The following NCKAP5 variants were observed in gnomAD, a reference collection of about 807,000 sequenced individuals.
NCKAP5 encodes the protein NCK associated protein 5, also known as nck-associated protein 5.
In NCKAP5, 92 loss-of-function variants were observed where a neutral mutation model predicts 167.0. The observed-to-expected ratio is 0.55, with a 90% CI of 0.47 to 0.66. The LOEUF (loss-of-function observed/expected upper bound fraction) is 0.66. NCKAP5 is among the 30% of genes least tolerant of loss of function. The pLI, the probability that NCKAP5 is intolerant of heterozygous loss-of-function variation, is 0.00. For missense variants in NCKAP5, 2,378 were observed against 2,315.0 expected, an observed-to-expected ratio of 1.03 and a Z score of -0.56; for synonymous variants, 891 against 877.4, an observed-to-expected ratio of 1.02 and a Z score of -0.27.
chr2:133,656,471 C>T, the NCKAP5 span, among the ~76,000 whole-genome samples: 1 of 152,186 alleles, frequency 6.6e-6, no homozygotes, highest in African/African-American at 2.4e-5. Flanking sequence ...ACAGGAGACA[C>T]TTTCCTAGTT....
At chr2:133,499,911 A>C (rs1193846166) in intron 3 of NCKAP5, among the ~76,000 whole-genome samples, 1 of 152,124 alleles carries the variant, frequency 6.6e-6, no homozygotes, top group Non-Finnish European at 1.5e-5. Flanking sequence ...ATGGATCCCA[A>C]CTTGTTTCTG....
At chr2:133,473,212 G>A (rs1679513835) in intron 3 of NCKAP5, among the ~76,000 whole-genome samples, 1 of 152,012 alleles carries the variant, frequency 6.6e-6, no homozygotes, top group South Asian at 2.1e-4. Flanking sequence ...TGTGCCTGTA[G>A]TCCCAGCTAC....
intron 6 of NCKAP5, among the ~76,000 whole-genome samples, chr2:133,099,339 A>C (rs2081433773): frequency 6.6e-6 from 1 of 152,146 alleles, no homozygotes; most frequent in Non-Finnish European, 1.5e-5. Context: ...TTTTTTTTCC[A>C]GGGTAGTTTC....
chr2:132,925,913 G>T (rs1295657463), intron 8 of NCKAP5, among the ~76,000 whole-genome samples: 1 of 152,150 alleles, frequency 6.6e-6, no homozygotes, highest in Non-Finnish European at 1.5e-5. Context: ...GAATTTAGGG[G>T]GTACAAGTGC....
intron 8 of NCKAP5, among the ~76,000 whole-genome samples, chr2:132,900,500 A>G (rs1310772851): frequency 6.6e-6 from 1 of 152,202 alleles, no homozygotes; most frequent in African/African-American, 2.4e-5. Flanking sequence ...GAATTATTGT[A>G]CATATTCATA....
chr2:133,407,670 T>A (rs1427682782), intron 3 of NCKAP5, among the ~76,000 whole-genome samples: 3 of 152,170 alleles, frequency 2.0e-5, no homozygotes, highest in Non-Finnish European at 4.4e-5. Context: ...TTGACTATCA[T>A]GAGCAAAGAT....
chr2:133,537,213 G>C (rs190373871), intron 2 of NCKAP5, among the ~76,000 whole-genome samples: 1 of 152,134 alleles, frequency 6.6e-6, no homozygotes, highest in African/African-American at 2.4e-5. Flanking sequence ...TTTATAGTAG[G>C]TTTGAAATTG....
At chr2:132,814,769 G>A (rs1370490184) in intron 11 of NCKAP5, among the ~76,000 whole-genome samples, 2 of 152,160 alleles carry the variant, frequency 1.3e-5, no homozygotes, top group Admixed American at 1.3e-4. Context: ...CTATGACATT[G>A]CAAACATTTG....
chr2:133,630,205 A>T, the NCKAP5 span, among the ~76,000 whole-genome samples: 2 of 152,326 alleles, frequency 1.3e-5, no homozygotes, highest in Non-Finnish European at 2.9e-5. Context: ...CAGTCATCAA[A>T]AACCACATAC....
At chr2:132,935,302 G>A (rs955817833) in intron 8 of NCKAP5, among the ~76,000 whole-genome samples, 7 of 152,186 alleles carry the variant, frequency 4.6e-5, no homozygotes, top group African/African-American at 1.4e-4. Flanking sequence ...CAGAAAGATG[G>A]AGCCTGAGCC....
chr2:133,471,107 G>A (rs184243574), intron 3 of NCKAP5, among the ~76,000 whole-genome samples: 5 of 152,246 alleles, frequency 3.3e-5, no homozygotes, highest in Middle Eastern at 3.4e-3. Flanking sequence ...CAAGAAACTC[G>A]GGATTACACT....
chr2:133,599,783 C>G, the NCKAP5 span, among the ~76,000 whole-genome samples: 1 of 152,176 alleles, frequency 6.6e-6, no homozygotes, highest in Admixed American at 6.5e-5. Flanking sequence ...GCATGAGGAG[C>G]GCCTGCACAT....
intron 4 of NCKAP5, among the ~76,000 whole-genome samples, chr2:133,259,974 A>G (rs2088822848): frequency 6.6e-6 from 1 of 152,232 alleles, no homozygotes; most frequent in Non-Finnish European, 1.5e-5. Context: ...TGAGGTACAG[A>G]GACACAAAGG....
chr2:133,124,004 C>T (rs1249894787), intron 6 of NCKAP5, among the ~76,000 whole-genome samples: 5 of 152,128 alleles, frequency 3.3e-5, no homozygotes, highest in Admixed American at 2.0e-4. Context: ...AATGAATGAA[C>T]GAGTTAAGCG....
At chr2:132,827,550 G>A (rs997769808) in intron 11 of NCKAP5, among the ~76,000 whole-genome samples, 2 of 152,020 alleles carry the variant, frequency 1.3e-5, no homozygotes, top group Non-Finnish European at 2.9e-5. Flanking sequence ...TTTAATCCTC[G>A]CAACTTCCCT....
At chr2:133,428,071 A>G (rs1689925126) in intron 3 of NCKAP5, among the ~76,000 whole-genome samples, 1 of 152,134 alleles carries the variant, frequency 6.6e-6, no homozygotes, top group South Asian at 2.1e-4. Context: ...AAGAATTACA[A>G]CAGGATTATT....
chr2:133,125,265 C>T (rs1574103547), intron 6 of NCKAP5, among the ~76,000 whole-genome samples: 1 of 151,164 alleles, frequency 6.6e-6, no homozygotes, highest in African/African-American at 2.4e-5. Flanking sequence ...CTCAACGTAC[C>T]CCACCCTAAC....
chr2:133,217,247 C>T (rs543215825), intron 4 of NCKAP5, among the ~76,000 whole-genome samples: 20 of 152,030 alleles, frequency 1.3e-4, no homozygotes, highest in African/African-American at 3.4e-4. Context: ...GTATAAAGTA[C>T]GCAGAAAAAT....
At chr2:132,673,436 T>A in intron 19 of NCKAP5, 131 bp from the exon 20 acceptor site, 1 of 674,142 alleles carries the variant, frequency 1.5e-6, no homozygotes, top group Non-Finnish European at 2.1e-6. Flanking sequence ...TCTTTAATAA[T>A]CTTCTAGTAT....
Sources: gnomAD v4.1 joint callset for allele counts (sites outside exome capture counted in the v4.1 genomes callset) on GRCh38, gnomAD v4.1.1 for gene constraint, MANE v1.5 for transcripts, NCBI Gene and HGNC (gene_info 2026-07-23, HGNC 2026-07-21) for gene names.